RBM19: variants seen among roughly 807,000 people sequenced by gnomAD.
The protein encoded by RBM19 is probable RNA-binding protein 19.
A neutral mutation model predicts 116.8 loss-of-function variants in RBM19; 94 were observed. That is an observed-to-expected ratio of 0.80 (90% CI 0.68 to 0.95). The LOEUF is 0.95. Ranked by LOEUF, RBM19 falls within the 40% of genes least tolerant of loss-of-function variation. The probability of loss-of-function intolerance (pLI) is 0.00; values close to 1 mark genes in which losing one functional copy is unlikely to be tolerated. For synonymous variants in RBM19, 475 were observed against 494.1 expected (o/e 0.96, Z 0.51); for missense variants, 1,161 against 1,220.7 (o/e 0.95, Z 0.73).
chr12:113,853,443 G>T (rs1877630532), intron 22 of RBM19, among the ~76,000 whole-genome samples: 1 of 152,214 alleles, frequency 6.6e-6, no homozygotes, highest in Non-Finnish European at 1.5e-5. Context: ...AAAAACAGCT[G>T]CAACTGCAAA....
At position 113,903,632 on chromosome 12, in the gene RBM19, C is replaced by T. The variant is rs61616154; in HGVS notation, c.2558+11337G>A. On this transcript the variant is annotated intron_variant, in intron 21 of 23. Coordinates refer to ENST00000261741, the MANE Select transcript of RBM19 (RefSeq NM_016196.4). This position sits in a 1 kb window ranked among gnomAD's most constrained non-coding sequence, Gnocchi z 5.1. ...CTGCATCATTGTCAGCATTTTGTGT[C>T]ACCACTATTTTTTATTTTAGCCATC... Among the ~76,000 whole-genome samples the T allele has an allele frequency of 4.4e-3, 668 of 152,326 alleles. 6 individuals carry two copies. Among genetic ancestry groups the T allele is most frequent in the African/African-American group, 0.015 (627 of 41,578 alleles).
chr12:113,842,087 C>T (rs547541168), intron 23 of RBM19, among the ~76,000 whole-genome samples: 176 of 152,336 alleles, frequency 1.2e-3, no homozygotes, highest in African/African-American at 4.1e-3. Flanking sequence ...TTACTGTTAT[C>T]ATTCTATCTG....
chr12:113,920,473 G>C (rs77735222), intron 19 of RBM19, 138 bp downstream of exon 19: 31,219 of 790,940 alleles, frequency 0.039, 1,808 homozygotes, highest in Admixed American at 0.19. Context: ...CCACAGTCCC[G>C]TAGAGATCTG....
intron 2 of RBM19, 66 bp downstream of exon 2, chr12:113,962,166 C>A: frequency 6.4e-7 from 1 of 1,564,408 alleles, no homozygotes; most frequent in South Asian, 1.1e-5. Flanking sequence ...AACTCAAGTG[C>A]TGAGTGAAAG....
chr12:113,907,119 C>T (rs1357438884), intron 21 of RBM19, among the ~76,000 whole-genome samples: 1 of 151,386 alleles, frequency 6.6e-6, no homozygotes, highest in African/African-American at 2.4e-5. Flanking sequence ...TGTGAGAATA[C>T]ATGTCTGCTG....
chr12:113,869,686 A>G (rs1400488056), intron 21 of RBM19, among the ~76,000 whole-genome samples: 4 of 152,224 alleles, frequency 2.6e-5, no homozygotes, highest in Non-Finnish European at 4.4e-5. Context: ...CAGTACACGA[A>G]ATGTGAAAAG....
intron 21 of RBM19, among the ~76,000 whole-genome samples, chr12:113,908,832 T>C (rs759726047): frequency 4.6e-5 from 7 of 152,162 alleles, no homozygotes; most frequent in South Asian, 2.1e-4. Flanking sequence ...CAGGATTGTA[T>C]TGAGACAGGC....
chr12:113,950,301 CCT>C (rs1220399787), intron 8 of RBM19, 147 bp from the exon 9 acceptor site: 4 of 646,716 alleles, frequency 6.2e-6, no homozygotes, highest in South Asian at 5.9e-5. Flanking sequence ...AAAGGGTCTC[CCT>C]CTCTCTGTCT....
intron 21 of RBM19, among the ~76,000 whole-genome samples, chr12:113,902,364 G>A (rs1034783742): frequency 6.6e-6 from 1 of 152,108 alleles, no homozygotes; most frequent in Non-Finnish European, 1.5e-5. Context: ...CACTTTGGGA[G>A]GCTGACACAG....
rs1874742928 is a variant in RBM19, at chr12:113,825,080, TTG to T, written c.2786-1761_2786-1760del. 6.6e-6 allele frequency among the ~76,000 whole-genome samples: 1 copy of T among 152,162 alleles called. No individual in the cohort carries two copies. Among genetic ancestry groups the T allele is most frequent in the Admixed American group, 6.5e-5 (1 of 15,274 alleles). The stretch of plus-strand genomic sequence containing the variant: ...TACCCACACTGCCGCAGGCCTTTCT[TTG>T]TGTGGGATGTTGTCTCACTCACTGC... On this transcript the variant is annotated intron_variant, in intron 23 of 23. Transcript: ENST00000261741. This position sits in a 1 kb window ranked among gnomAD's most constrained non-coding sequence, Gnocchi z 5.7.
chr12:113,933,027 A>G (rs979190582), intron 16 of RBM19, among the ~76,000 whole-genome samples: 11 of 151,876 alleles, frequency 7.2e-5, no homozygotes, highest in South Asian at 2.1e-4. Context: ...GACAGCAAAG[A>G]CTGTTATCAG....
chr12:113,892,570 G>A (rs1366662954), intron 21 of RBM19, among the ~76,000 whole-genome samples: 1 of 152,208 alleles, frequency 6.6e-6, no homozygotes, highest in African/African-American at 2.4e-5. Flanking sequence ...GATATAAAGT[G>A]CTGGGCAAAA....
chr12:113,854,350 G>A (rs1379610868), intron 22 of RBM19, among the ~76,000 whole-genome samples: 1 of 152,094 alleles, frequency 6.6e-6, no homozygotes, highest in East Asian at 1.9e-4. Context: ...GTTGCATGGC[G>A]TTGATGACAC....
At chr12:113,960,207 C>A (rs745311853) in intron 2 of RBM19, 29 bp from the exon 3 acceptor site, 16 of 1,612,256 alleles carry the variant, frequency 9.9e-6, no homozygotes, top group Middle Eastern at 2.1e-4. Context: ...GATTTTCACA[C>A]CTGCCATGGC....
In RBM19 at chr12:113,946,027, T is replaced by C. The variant is rs1870989983; in HGVS notation, c.1530-103A>G. On this transcript the variant is annotated intron_variant, in intron 12 of 23. Transcript: ENST00000261741. ...AGAAATGGGCTCCTAGGCCTGCCTATCTACATGCCCCCAATTTCCCTATCA... is the reference window on the plus strand; with the variant it reads ...AGAAATGGGCTCCTAGGCCTGCCTACCTACATGCCCCCAATTTCCCTATCA... 30 of 1,078,996 alleles carry C rather than the reference T, an allele frequency of 2.8e-5. No individual in the cohort carries two copies. In the South Asian group the frequency reaches 3.8e-4, roughly 14 times the overall value. 66.8% of individuals were successfully genotyped at this position (1,078,996 alleles called of 1,614,324 possible). A position where few individuals can be genotyped will look rare whatever the true frequency, so the allele number is the denominator to read the frequency against.
At chr12:113,906,258 A>G (rs10850237) in intron 21 of RBM19, among the ~76,000 whole-genome samples, 28,948 of 152,232 alleles carry the variant, frequency 0.19, 3,472 homozygotes, top group Middle Eastern at 0.35. Context: ...ACATATTCAC[A>G]CAATGGAATT....
chr12:113,962,094 AGT>A, intron 2 of RBM19, 136 bp downstream of exon 2: 1 of 1,038,446 alleles, frequency 9.6e-7, no homozygotes, highest in South Asian at 1.6e-5. Flanking sequence ...TGCACATGAA[AGT>A]GTGTGAATCG....
At chr12:113,835,750 T>A (rs1259897416) in intron 23 of RBM19, among the ~76,000 whole-genome samples, 1 of 152,216 alleles carries the variant, frequency 6.6e-6, no homozygotes, top group South Asian at 2.1e-4. Flanking sequence ...AAGGCCCCAC[T>A]GCCAGCCACT....
intron 18 of RBM19, among the ~76,000 whole-genome samples, chr12:113,922,060 G>GGC (rs1868625763): frequency 1.3e-5 from 2 of 152,178 alleles, no homozygotes; most frequent in Non-Finnish European, 1.5e-5. Flanking sequence ...TGCTTTGGGT[G>GGC]GCTCTGCAGT....
Sources: gnomAD v4.1 joint callset for allele counts (sites outside exome capture counted in the v4.1 genomes callset) on GRCh38, gnomAD v4.1.1 for gene constraint, Gnocchi (gnomAD v3.1) non-coding constraint, MANE v1.5 for transcripts, NCBI Gene and HGNC (gene_info 2026-07-23, HGNC 2026-07-21) for gene names.